The following TARBP1 variants were observed in gnomAD, a reference collection of about 807,000 sequenced individuals.
TARBP1 encodes tRNA (guanosine(18)-2'-O)-methyltransferase TARBP1.
TARBP1 carries 144 observed loss-of-function variants against 178.6 expected under a neutral mutation model. That is an observed-to-expected ratio of 0.81 (90% CI 0.70 to 0.93). The LOEUF is 0.93. Among genes scored for constraint, TARBP1 ranks in the 40% least tolerant of loss-of-function variants. The pLI is 0.00. For synonymous variants in TARBP1, 787 were observed against 781.0 expected (o/e 1.01, Z -0.13); for missense variants, 2,067 against 2,011.7 (o/e 1.03, Z -0.53).
intron 20 of TARBP1, 140 bp downstream of exon 20, chr1:234,425,533 T>G (rs1285183067): frequency 5.3e-6 from 5 of 951,528 alleles, no homozygotes; most frequent in East Asian, 5.4e-5. Context: ...TAATCAAGAC[T>G]GAATTAAAAA....
In TARBP1 at chr1:234,429,672, A is replaced by G. The variant is rs1433635611; in HGVS notation, c.2615T>C (p.Leu872Ser). 6.3e-7 allele frequency: 1 copy of G among 1,590,878 alleles called. No individual in the cohort carries two copies. Among genetic ancestry groups the G allele is most frequent in the Admixed American group, 1.8e-5 (1 of 55,436 alleles). Residue 872 changes from leucine (L) to serine (S), a missense_variant, in exon 16 of 30, where the codon TTG (leucine) becomes TCG (serine). Leu to Ser is a moderately radical substitution (Grantham distance 145). Coordinates refer to ENST00000040877, the MANE Select transcript of TARBP1 (RefSeq NM_005646.4). ...YAHPLECSSV[L>S]EESSSSQGWG... ...TCCTTGGGAAGATGACGATTCTTCC[A>G]AAACACTGAAATAAAAAATAAAGTT...
At chr1:234,477,311 G>A (rs1211606021) in intron 1 of TARBP1, among the ~76,000 whole-genome samples, 3 of 152,192 alleles carry the variant, frequency 2.0e-5, no homozygotes, top group Admixed American at 2.0e-4. Context: ...ACCTATCTGT[G>A]GACTGTTCAA....
At chr1:234,393,978 G>A (rs936683187) in intron 26 of TARBP1, 141 bp from the exon 27 acceptor site, 1 of 719,982 alleles carries the variant, frequency 1.4e-6, no homozygotes. Flanking sequence ...AAAGCATTAA[G>A]TAAAAAACTT....
chr1:234,445,992 A>AT lies in TARBP1; in HGVS notation c.2134+810dup, dbSNP rs539225238. ...ATGCCCTTAAGGAGTTGAAAGTCTT[A>AT]TAAAAAGTTACTGTATTTTCATAGC... On this transcript the variant is annotated intron_variant, in intron 12 of 29. Coordinates refer to ENST00000040877, the MANE Select transcript of TARBP1 (RefSeq NM_005646.4). 1.1e-3 allele frequency among the ~76,000 whole-genome samples: 161 copies of AT among 152,326 alleles called. 2 individuals are homozygous for AT. Among genetic ancestry groups the AT allele is most frequent in the African/African-American group, 3.7e-3 (153 of 41,576 alleles).
intron 14 of TARBP1, among the ~76,000 whole-genome samples, chr1:234,432,278 C>T (rs147135639): frequency 0.11 from 16,734 of 151,556 alleles, 1,126 homozygotes; most frequent in East Asian, 0.23. Context: ...CCCAACTCTA[C>T]TAAAAATACA....
At chr1:234,472,533 T>C (rs1265447660) in intron 2 of TARBP1, among the ~76,000 whole-genome samples, 181 bp downstream of exon 2, 4 of 152,158 alleles carry the variant, frequency 2.6e-5, no homozygotes. Context: ...GAAAGTATTC[T>C]TTAACTTCCT....
chr1:234,404,679 C>T (rs1355565106), intron 24 of TARBP1, among the ~76,000 whole-genome samples: 1 of 152,156 alleles, frequency 6.6e-6, no homozygotes, highest in Non-Finnish European at 1.5e-5. Flanking sequence ...GGTCATTCTC[C>T]AGTATACAGA....
chr1:234,441,736 A>T (rs1665617726), intron 12 of TARBP1, among the ~76,000 whole-genome samples: 1 of 152,192 alleles, frequency 6.6e-6, no homozygotes, highest in African/African-American at 2.4e-5. Flanking sequence ...TGCCCTAAGC[A>T]ACCCCAATCT....
chr1:234,467,907 C>A (rs930889959), intron 3 of TARBP1, among the ~76,000 whole-genome samples: 2 of 152,048 alleles, frequency 1.3e-5, no homozygotes, highest in African/African-American at 4.8e-5. Flanking sequence ...GAGTAGTTTC[C>A]TAGCAGGACT....
chr1:234,478,300 C>G lies in TARBP1; in HGVS notation c.804G>C (p.Thr268=), dbSNP rs572342853. ...CCGCCTGGCCCAGCCCCGCCTGCAC[C>G]GTCCTCCAGAAGCGCCAGCAGCGCC... The part of the protein sequence containing the change: ...DARRCWRFWR[T]VQAGLGQADA... The change falls in exon 1 of 30, where the codon ACG becomes ACC. Residue 268 remains threonine (T), a synonymous_variant. Transcript: ENST00000040877. The G allele has an allele frequency of 2.5e-5, 38 of 1,535,114 alleles. No homozygotes were observed. The highest frequency in any genetic ancestry group is 2.6e-5 in the Non-Finnish European group (30 of 1,145,454).
chr1:234,472,329 CAAAAAAAAAAAAAA>C (rs1160411119), intron 2 of TARBP1, among the ~76,000 whole-genome samples: 6 of 46,080 alleles, frequency 1.3e-4, no homozygotes, highest in Admixed American at 3.0e-4. Context: ...ACTCTGTCTC[CAAAAAAAAAAAAAA>C]AAAAAAAAAA....
chr1:234,478,979 CG>C lies in TARBP1; in HGVS notation c.124del (p.Arg42GlyfsTer56). ...GCCGCGCGCCTCCTCGTCCTCGAGC[CG>C]CTGCAGAAGGAAGCGCAGCGTCTCC... ...RVETLRFLLQ[R>X]LEDEEARGSG... On this transcript the variant is annotated frameshift_variant, in exon 1 of 30. Coordinates refer to ENST00000040877, the MANE Select transcript of TARBP1 (RefSeq NM_005646.4). LOFTEE classifies it high-confidence loss of function. The C allele has an allele frequency of 6.7e-7, 1 of 1,482,264 alleles. No individual in the cohort carries two copies. Among genetic ancestry groups the C allele is most frequent in the African/African-American group, 1.5e-5 (1 of 68,508 alleles). 91.8% of individuals were successfully genotyped at this position (1,482,264 alleles called of 1,614,324 possible). A position where few individuals can be genotyped will look rare whatever the true frequency, so the allele number is the denominator to read the frequency against.
intron 24 of TARBP1, among the ~76,000 whole-genome samples, chr1:234,404,159 G>A (rs1056544188): frequency 4.6e-5 from 7 of 152,142 alleles, no homozygotes; most frequent in African/African-American, 1.4e-4. Flanking sequence ...AACCAGGATC[G>A]AAATGTCTCA....
chr1:234,471,398 A>T (rs1669041760), intron 2 of TARBP1, 141 bp from the exon 3 acceptor site: 2 of 628,536 alleles, frequency 3.2e-6, no homozygotes, highest in Admixed American at 6.1e-5. Context: ...CCAGTTTTTC[A>T]AACAATAGTA....
In TARBP1 at chr1:234,393,889, T is replaced by C. The variant is rs377209360; in HGVS notation, c.4244-52A>G. ...ACATATAAATAAATCTGAATCTCTA[T>C]ATATTTATGTATACATGTATATGTA... On this transcript the variant is annotated intron_variant, in intron 26 of 29. Coordinates refer to ENST00000040877, the MANE Select transcript of TARBP1 (RefSeq NM_005646.4). 583 of 1,297,180 alleles carry C rather than the reference T, an allele frequency of 4.5e-4. 2 individuals are homozygous for C. The highest frequency in any genetic ancestry group is 5.9e-4 in the Admixed American group (28 of 47,652). The allele number at this position is 1,297,180 out of a possible 1,614,324, so 80.4% of individuals were successfully genotyped here. A position where few individuals can be genotyped will look rare whatever the true frequency, so the allele number is the denominator to read the frequency against.
rs1297235182 is a variant in TARBP1 at position 234,393,835 on chromosome 1, T to G, written c.4246A>C (p.Thr1416Pro). ...PGDWSQQDIG[T>P]NLVEADNQAE... ...TGGTTATCTGCTTCGACCAAATTAG[T>G]ACCTGGGAAGGAAAAAGAAAACAAT... The change falls in exon 27 of 30, where the codon ACT becomes CCT. Residue 1416 changes from threonine to proline, a missense_variant and splice_region_variant. Thr to Pro is a conservative substitution (Grantham distance 38). Coordinates refer to ENST00000040877, the MANE Select transcript of TARBP1 (RefSeq NM_005646.4). The G allele has an allele frequency of 6.3e-7, 1 of 1,599,112 alleles. No individual in the cohort carries two copies. The highest frequency in any genetic ancestry group is 2.2e-5 in the East Asian group (1 of 44,652).
At position 234,460,303 on chromosome 1, in the gene TARBP1, G is replaced by C; in HGVS notation, c.1493C>G (p.Pro498Arg). The change falls in exon 7 of 30, where the codon CCA (proline) becomes CGA (arginine). Residue 498 changes from proline to arginine, a missense_variant. Coordinates refer to ENST00000040877, the MANE Select transcript of TARBP1 (RefSeq NM_005646.4). ...ATCTATACCCAGGGCCTTATGTCTT[G>C]GGACATTTGCCAAAGCCTTAGATAG... ...LFLSKALANV[P>R]RHKALGIDGL... 3 of 1,614,102 alleles carry C rather than the reference G, an allele frequency of 1.9e-6. No homozygotes were observed. The highest frequency in any genetic ancestry group is 2.5e-6 in the Non-Finnish European group (3 of 1,180,016).
intron 3 of TARBP1, among the ~76,000 whole-genome samples, chr1:234,469,489 AG>A (rs1296522985): frequency 1.3e-5 from 2 of 152,248 alleles, no homozygotes; most frequent in Non-Finnish European, 2.9e-5. Context: ...ATTAAATTCT[AG>A]CCCCAGGTGC....
chr1:234,471,492 G>A (rs1043787352), intron 2 of TARBP1, among the ~76,000 whole-genome samples: 3 of 152,202 alleles, frequency 2.0e-5, no homozygotes, highest in East Asian at 1.9e-4. Flanking sequence ...CATTTATACA[G>A]TGATTATCAT....
Sources: allele counts gnomAD v4.1 joint callset (sites outside exome capture counted in the v4.1 genomes callset), GRCh38; gene constraint gnomAD v4.1.1; transcripts MANE v1.5; gene names NCBI Gene and HGNC (gene_info 2026-07-23, HGNC 2026-07-21).